CDC45: variants seen among roughly 807,000 people sequenced by gnomAD.
The protein encoded by CDC45 is cell division control protein 45 homolog.
CDC45 carries 54 observed loss-of-function variants against 77.8 expected under a neutral mutation model. The ratio of observed to expected loss-of-function variants is 0.69; its 90% confidence interval spans 0.56 to 0.87. The LOEUF (loss-of-function observed/expected upper bound fraction) is 0.87. Ranked by LOEUF, CDC45 falls within the 40% of genes least tolerant of loss-of-function variation. The pLI is 0.00. For synonymous variants in CDC45, 260 were observed against 272.1 expected, an observed-to-expected ratio of 0.96 and a Z score of 0.44; for missense variants, 649 against 721.6, an observed-to-expected ratio of 0.90 and a Z score of 1.15.
chr22:19,486,009 T>C (rs547938456), intron 5 of CDC45, among the ~76,000 whole-genome samples: 2 of 152,264 alleles, frequency 1.3e-5, no homozygotes, highest in Admixed American at 6.5e-5. Flanking sequence ...GAAACTGATA[T>C]TCTTTTTTAT....
chr22:19,486,968 G>A (rs1389079657), intron 5 of CDC45, among the ~76,000 whole-genome samples: 1 of 151,868 alleles, frequency 6.6e-6, no homozygotes, highest in African/African-American at 2.4e-5. Flanking sequence ...GAGCCACCGT[G>A]CCCGGCTGCT....
chr22:19,484,098 G>C, intron 5 of CDC45, 93 bp downstream of exon 5: 1 of 1,242,112 alleles, frequency 8.1e-7, no homozygotes. Context: ...GGTGTACTGA[G>C]GGCAGTGGGA....
intron 6 of CDC45, 71 bp from the exon 7 acceptor site, chr22:19,495,910 C>A: frequency 1.0e-6 from 1 of 995,922 alleles, no homozygotes; most frequent in Non-Finnish European, 1.6e-6. Context: ...TCAAGTTTAG[C>A]ATTTTTCCAA....
chr22:19,507,336 T>A (rs768817841), intron 10 of CDC45, 50 bp from the exon 11 acceptor site: 2 of 1,595,698 alleles, frequency 1.3e-6, no homozygotes, highest in African/African-American at 2.7e-5. Context: ...GTTACGAGAG[T>A]GCTCAGGGCG....
chr22:19,487,876 A>C (rs1190033109), intron 5 of CDC45, among the ~76,000 whole-genome samples: 1 of 136,184 alleles, frequency 7.3e-6, no homozygotes, highest in Non-Finnish European at 1.5e-5. Context: ...CCACCACTGC[A>C]CTCCAGCCTG....
intron 5 of CDC45, among the ~76,000 whole-genome samples, chr22:19,492,421 TTC>T (rs1264035257): frequency 6.6e-6 from 1 of 152,100 alleles, no homozygotes; most frequent in African/African-American, 2.4e-5. Context: ...TATATTTTCT[TTC>T]TTTCTTTCTT....
chr22:19,508,405 C>A, intron 12 of CDC45, 125 bp from the exon 13 acceptor site: 1 of 1,005,362 alleles, frequency 9.9e-7, no homozygotes, highest in Non-Finnish European at 1.5e-6. Context: ...ATCCTCTGAG[C>A]AGCATGGCTG....
At chr22:19,518,107 G>A (rs541738283) in intron 17 of CDC45, among the ~76,000 whole-genome samples, 4 of 152,232 alleles carry the variant, frequency 2.6e-5, no homozygotes, top group Non-Finnish European at 5.9e-5. Flanking sequence ...ACTCTTTTGT[G>A]CCTGTGATGT....
At chr22:19,492,698 A>G (rs983257779) in intron 5 of CDC45, among the ~76,000 whole-genome samples, 1 of 152,128 alleles carries the variant, frequency 6.6e-6, no homozygotes, top group African/African-American at 2.4e-5. Flanking sequence ...TTTTTGTATT[A>G]TGTGATGAGA....
chr22:19,482,787 A>G lies in CDC45; in HGVS notation c.302A>G (p.His101Arg), dbSNP rs200688643. The change falls in exon 4 of 19, where the codon CAT becomes CGT. Residue 101 changes from histidine (H) to arginine (R), a missense_variant. By Grantham distance (29) the His-to-Arg change is conservative. Coordinates refer to ENST00000263201, the MANE Select transcript of CDC45 (RefSeq NM_003504.5). ...EDTIFFVCDT[H>R]RPVNVVNVYN... ...ACTATATTCTTTGTGTGTGACACCC[A>G]TAGGCCAGTCAATGTCGTCAATGTA... is the stretch of plus-strand genomic sequence containing the variant. 23 of 1,613,910 alleles carry G rather than the reference A, an allele frequency of 1.4e-5. No individual in the cohort carries two copies. Among genetic ancestry groups the G allele is most frequent in the Non-Finnish European group, 1.8e-5 (21 of 1,179,846 alleles).
chr22:19,507,968 G>C (rs938104623), intron 12 of CDC45, 104 bp downstream of exon 12: 6 of 735,518 alleles, frequency 8.2e-6, no homozygotes. Flanking sequence ...AAAAACCAAC[G>C]TGCTCCTAAA....
chr22:19,499,189 G>A lies in CDC45; in HGVS notation c.704+38G>A, dbSNP rs368180108. The A allele has an allele frequency of 5.6e-6, 9 of 1,610,192 alleles. No individual in the cohort carries two copies. The Middle Eastern group carries it at 6.6e-4, about 118-fold the overall frequency. On this transcript the variant is annotated intron_variant, in intron 9 of 18. Transcript: ENST00000263201. ...TCCCTTGCCTTGCAGGGTCAGCCCTGTGCTGTGGCCAGGTGCACAGCCTGA... is the reference window on the plus strand; with the variant it reads ...TCCCTTGCCTTGCAGGGTCAGCCCTATGCTGTGGCCAGGTGCACAGCCTGA...
At chr22:19,486,866 C>T (rs549758404) in intron 5 of CDC45, among the ~76,000 whole-genome samples, 26 of 152,156 alleles carry the variant, frequency 1.7e-4, no homozygotes, top group African/African-American at 5.8e-4. Flanking sequence ...TTAGTAGAGA[C>T]GGGGTTTCAC....
intron 3 of CDC45, among the ~76,000 whole-genome samples, chr22:19,482,157 A>G (rs935699133): frequency 6.6e-6 from 1 of 152,180 alleles, no homozygotes; most frequent in Non-Finnish European, 1.5e-5. Context: ...CCCTAGCCAT[A>G]TCTAGGATTG....
chr22:19,513,995 T>C (rs1933649361), intron 13 of CDC45, among the ~76,000 whole-genome samples: 1 of 152,248 alleles, frequency 6.6e-6, no homozygotes, highest in Non-Finnish European at 1.5e-5. Context: ...ATTTCCTAGT[T>C]TTTAACTCTT....
At position 19,515,033 on chromosome 22, in the gene CDC45, G is replaced by C; in HGVS notation, c.1425G>C (p.Lys475Asn). ...GCCTGCTCAGCAAACACCTGCTCAAGTCCTTTGTGTGTTCGGTGAGGGGCC... is the reference window on the plus strand; with the variant it reads ...GCCTGCTCAGCAAACACCTGCTCAACTCCTTTGTGTGTTCGGTGAGGGGCC... ...SLSLLSKHLL[K>N]SFVCSTKNRR... is the part of the protein sequence containing the mutation. The change falls in exon 15 of 19, where the codon AAG becomes AAC. Residue 475 changes from lysine (K) to asparagine (N), a missense_variant. Coordinates refer to ENST00000263201, the MANE Select transcript of CDC45 (RefSeq NM_003504.5). 1.2e-5 allele frequency: 19 copies of C among 1,607,822 alleles called. No individual in the cohort carries two copies. Among genetic ancestry groups the C allele is most frequent in the Non-Finnish European group, 1.6e-5 (19 of 1,175,518 alleles).
intron 7 of CDC45, among the ~76,000 whole-genome samples, chr22:19,497,010 T>A (rs1169615263): frequency 6.6e-6 from 1 of 152,058 alleles, no homozygotes; most frequent in African/African-American, 2.4e-5. Context: ...AGGCAAATGA[T>A]GGGGTCTCCT....
At chr22:19,508,423 A>G (rs1306341105) in intron 12 of CDC45, 107 bp from the exon 13 acceptor site, 19 of 1,140,816 alleles carry the variant, frequency 1.7e-5, no homozygotes, top group Non-Finnish European at 2.4e-5. Flanking sequence ...CTGTGCTGGA[A>G]GCATTGACTT....
At chr22:19,517,194 GCCCGTGTGC>G (rs1367551200) in intron 17 of CDC45, among the ~76,000 whole-genome samples, 1 of 152,232 alleles carries the variant, frequency 6.6e-6, no homozygotes, top group Admixed American at 6.5e-5. Context: ...GGCCACCAGG[GCCCGTGTGC>G]CCCGATCTCA....
Sources: gnomAD v4.1 joint callset for allele counts (sites outside exome capture counted in the v4.1 genomes callset) on GRCh38, gnomAD v4.1.1 for gene constraint, MANE v1.5 for transcripts, NCBI Gene and HGNC (gene_info 2026-07-23, HGNC 2026-07-21) for gene names.